Variants in POLR1A observed in about 807,000 individuals in gnomAD.
POLR1A encodes DNA-directed RNA polymerase I subunit RPA1.
POLR1A carries 84 observed loss-of-function variants against 205.3 expected under a neutral mutation model. The ratio of observed to expected loss-of-function variants is 0.41; its 90% CI spans 0.34 to 0.49. The LOEUF (loss-of-function observed/expected upper bound fraction) is 0.49, where lower values mean the gene tolerates loss of function less well. Among genes scored for constraint, POLR1A ranks in the 20% least tolerant of loss-of-function variants. The pLI is 0.22. For missense variants in POLR1A, 1,645 were observed against 2,204.5 expected (o/e 0.75, Z 5.08); for synonymous variants, 799 against 863.7 (o/e 0.93, Z 1.31).
chr2:86,045,963 A>G (rs1197967684), intron 19 of POLR1A, among the ~76,000 whole-genome samples, 194 bp from the exon 20 acceptor site: 1 of 152,206 alleles, frequency 6.6e-6, no homozygotes, highest in Non-Finnish European at 1.5e-5. Flanking sequence ...CCTTTGGTTG[A>G]CTGATCTGGA....
chr2:86,039,218 G>T, intron 26 of POLR1A, 109 bp downstream of exon 26: 1 of 1,214,036 alleles, frequency 8.2e-7, no homozygotes, highest in Non-Finnish European at 1.2e-6. Context: ...TCATTGGTGG[G>T]AATCTGAGCC....
intron 8 of POLR1A, 150 bp from the exon 9 acceptor site, chr2:86,081,128 G>A: frequency 1.4e-6 from 1 of 711,324 alleles, no homozygotes; most frequent in Non-Finnish European, 2.3e-6. Context: ...GGGTGTGGTG[G>A]CTTAAGCCTG....
chr2:86,080,093 C>T (rs919566891), intron 9 of POLR1A, among the ~76,000 whole-genome samples: 1 of 152,128 alleles, frequency 6.6e-6, no homozygotes, highest in Non-Finnish European at 1.5e-5. Flanking sequence ...TTGTGATGGG[C>T]CTGGCAGACA....
chr2:86,102,392 T>C (rs945160438), intron 1 of POLR1A, among the ~76,000 whole-genome samples: 2 of 152,254 alleles, frequency 1.3e-5, no homozygotes, highest in Non-Finnish European at 2.9e-5. Flanking sequence ...CAACATCTTT[T>C]CACATACTCA....
In POLR1A at chr2:86,039,420, T is replaced by C. The variant is rs772869078; in HGVS notation, c.3783A>G (p.Thr1261=). 31 of 1,613,838 alleles carry C rather than the reference T, an allele frequency of 1.9e-5. No individual in the cohort carries two copies. Among genetic ancestry groups the C allele is most frequent in the Non-Finnish European group, 2.5e-5 (30 of 1,179,960 alleles). The change falls in exon 26 of 34, where the codon ACA becomes ACG. Residue 1261 remains threonine (T), a synonymous_variant. Coordinates refer to ENST00000263857, the MANE Select transcript of POLR1A (RefSeq NM_015425.6). ...TGAGCACGGGCACGCTCATCATGGG[T>C]GTCTTGATGTTGGCGCTGGCCACCA... ...ILMVASANIK[T]PMMSVPVLNT...
At chr2:86,103,316 T>A (rs1459743792) in intron 1 of POLR1A, among the ~76,000 whole-genome samples, 1 of 152,062 alleles carries the variant, frequency 6.6e-6, no homozygotes, top group Admixed American at 6.6e-5. Context: ...GAGGTGGATG[T>A]GTGCCCGTGG....
rs563314021 is a variant in POLR1A at position 86,070,627 on chromosome 2, T to C, written c.1612-355A>G. 1.3e-5 allele frequency among the ~76,000 whole-genome samples: 2 copies of C among 152,030 alleles called. No homozygotes were observed. The highest frequency in any genetic ancestry group is 1.3e-4 in the Admixed American group (2 of 15,270). ...GAAATGGATACAACTCCTGAAGATA[T>C]AACCATAACAAAATGAAGACATAAC... is the stretch of plus-strand genomic sequence containing the variant. On this transcript the variant is annotated intron_variant, in intron 12 of 33. Transcript: ENST00000263857. The surrounding 1 kb of genome is among the most constrained non-coding windows in gnomAD (Gnocchi z 4.4).
In POLR1A at chr2:86,065,377, T is replaced by G; in HGVS notation, c.1955A>C (p.His652Pro). ...TCCTCGGTACACCAGCTCCATATAG[T>G]GCTCCCGGGTGAAAAAGCAACCCCG... ...TTRGCFFTRE[H>P]YMELVYRGLT... The change falls in exon 14 of 34, where the codon CAC (histidine) becomes CCC (proline). Residue 652 changes from histidine (H) to proline (P), a missense_variant. Physicochemically the swap from His to Pro is moderately conservative, Grantham distance 77. Coordinates refer to ENST00000263857, the MANE Select transcript of POLR1A (RefSeq NM_015425.6). The G allele has an allele frequency of 1.2e-6, 2 of 1,614,162 alleles. No individual in the cohort carries two copies. The highest frequency in any genetic ancestry group is 1.7e-6 in the Non-Finnish European group (2 of 1,180,020).
At position 86,041,819 on chromosome 2, in the gene POLR1A, AG is replaced by A. The variant is rs878956941; in HGVS notation, c.3572+69del. The A allele has an allele frequency of 9.9e-6, 13 of 1,313,686 alleles. No individual in the cohort carries two copies. In the South Asian group the frequency reaches 1.5e-4, roughly 16 times the overall value. 81.4% of individuals were successfully genotyped at this position (1,313,686 alleles called of 1,614,324 possible). ...AGCCCTCTTCCGGAGTGAGTAGGGC[AG>A]GGGCTAGGAGGCAGGGGCTAGGAGG... On this transcript the variant is annotated intron_variant, in intron 24 of 33. Transcript: ENST00000263857.
chr2:86,077,033 G>A (rs1002532105), intron 11 of POLR1A, among the ~76,000 whole-genome samples: 4 of 152,204 alleles, frequency 2.6e-5, no homozygotes, highest in South Asian at 2.1e-4. Context: ...ACCCAAGTGT[G>A]CCACAAAGAG....
At chr2:86,048,100 T>C (rs180998229) in intron 18 of POLR1A, among the ~76,000 whole-genome samples, 3 of 152,202 alleles carry the variant, frequency 2.0e-5, no homozygotes, top group Non-Finnish European at 2.9e-5. Context: ...GCCTAAGGGA[T>C]GCTAAAAGCC....
Position 86,081,691 on chromosome 2 carries a change from T to C in POLR1A, c.833A>G (p.Tyr278Cys). 2 of 1,607,246 alleles carry C rather than the reference T, an allele frequency of 1.2e-6. No homozygotes were observed. Among genetic ancestry groups the C allele is most frequent in the South Asian group, 1.1e-5 (1 of 90,842 alleles). Residue 278 changes from tyrosine (Y) to cysteine (C), a missense_variant, in exon 8 of 34, where the codon TAC becomes TGC. Transcript: ENST00000263857. ...LWKNEGFFLN[Y>C]LFSGMDDDGM... is the part of the protein sequence containing the mutation. ...ATCATCATCCATTCCCGAAAAAAGG[T>C]AGTTCAGAAAGAATCCTGCGTTGGA...
intron 26 of POLR1A, 66 bp from the exon 27 acceptor site, chr2:86,038,923 G>T: frequency 6.8e-7 from 1 of 1,460,454 alleles, no homozygotes; most frequent in Non-Finnish European, 9.6e-7. Flanking sequence ...AATGTGAGTG[G>T]GTTACGAGAC....
intron 13 of POLR1A, among the ~76,000 whole-genome samples, chr2:86,066,915 T>C (rs1472472299): frequency 6.6e-6 from 1 of 152,214 alleles, no homozygotes; most frequent in Non-Finnish European, 1.5e-5. Context: ...CTAGATGGTC[T>C]TATTTTGCTT....
chr2:86,059,400 G>A (rs1672957197), intron 14 of POLR1A, among the ~76,000 whole-genome samples: 1 of 152,130 alleles, frequency 6.6e-6, no homozygotes, highest in African/African-American at 2.4e-5. Flanking sequence ...CCAAATCTGA[G>A]GTCCATGTGC....
At chr2:86,069,943 G>A in intron 13 of POLR1A, 75 bp downstream of exon 13, 2 of 1,508,602 alleles carry the variant, frequency 1.3e-6, no homozygotes, top group East Asian at 2.3e-5. Context: ...TGACCCCAGG[G>A]GCTGGCAGGG....
At chr2:86,071,002 G>A (rs780524780) in intron 12 of POLR1A, among the ~76,000 whole-genome samples, 10 of 151,962 alleles carry the variant, frequency 6.6e-5, no homozygotes, top group East Asian at 5.8e-4. Flanking sequence ...CATTTACAGC[G>A]GCAAAAACTA....
At chr2:86,071,318 G>A (rs1180146408) in intron 12 of POLR1A, among the ~76,000 whole-genome samples, 2 of 151,982 alleles carry the variant, frequency 1.3e-5, no homozygotes, top group East Asian at 3.9e-4. Flanking sequence ...CTGAGACAGG[G>A]TCTCTCTCTG....
rs76641868 is a variant in POLR1A at position 86,079,466 on chromosome 2, T to C, written c.1087-1182A>G. Among the ~76,000 whole-genome samples, 439 of 152,048 alleles carry C rather than the reference T, an allele frequency of 2.9e-3. 2 individuals carry two copies. Among genetic ancestry groups the C allele is most frequent in the African/African-American group, 8.4e-3 (348 of 41,474 alleles). ...GGGGAGAAAAAACACATCCTGTCAA[T>C]CACAAGGAAAGAGGGCAGTGGGACA... is the stretch of plus-strand genomic sequence containing the variant. On this transcript the variant is annotated intron_variant, in intron 9 of 33. Transcript: ENST00000263857.
Sources: gnomAD v4.1 joint callset for allele counts (sites outside exome capture counted in the v4.1 genomes callset) on GRCh38, gnomAD v4.1.1 for gene constraint, Gnocchi (gnomAD v3.1) non-coding constraint, MANE v1.5 for transcripts, NCBI Gene and HGNC (gene_info 2026-07-23, HGNC 2026-07-21) for gene names.